Variants in TMEM41A observed in about 807,000 individuals in gnomAD.
TMEM41A encodes the protein transmembrane protein 41A.
TMEM41A carries 20 observed loss-of-function variants against 25.7 expected under a neutral mutation model. The ratio of observed to expected loss-of-function variants is 0.78; its 90% confidence interval spans 0.55 to 1.13. The LOEUF is 1.13. TMEM41A is among the 50% of genes most tolerant of loss of function. The pLI is 0.00. For synonymous variants in TMEM41A, 133 were observed against 139.6 expected, an observed-to-expected ratio of 0.95 and a Z score of 0.33; for missense variants, 299 against 314.3, an observed-to-expected ratio of 0.95 and a Z score of 0.37.
chr3:185,492,400 A>G (rs1433821998), intron 4 of TMEM41A: 2 of 152,202 alleles, frequency 1.3e-5, no homozygotes, highest in Non-Finnish European at 2.9e-5. Flanking sequence ...AAAAAAATGC[A>G]TAAGGTTCAC....
rs1374825336 is a variant in TMEM41A at position 185,490,857 on chromosome 3, T to A, written c.*680A>T. On this transcript the variant is annotated 3_prime_UTR_variant, in exon 5 of 5. Coordinates refer to ENST00000421852, the MANE Select transcript of TMEM41A (RefSeq NM_080652.4). ...CATCTGTCCCAGCAGCCTGTCACTC[T>A]GCAAAAGCAGTACTCTGGACAAGGA... 1 of 152,276 alleles carries A rather than the reference T, an allele frequency of 6.6e-6. No individual in the cohort carries two copies. Among genetic ancestry groups the A allele is most frequent in the African/African-American group, 2.4e-5 (1 of 41,460 alleles). 9.4% of individuals were successfully genotyped at this position (152,276 alleles called of 1,614,324 possible).
rs760352017 is a variant in TMEM41A, at chr3:185,496,826, A to C, written c.273+2T>G. 1 of 1,604,916 alleles carries C rather than the reference A, an allele frequency of 6.2e-7. No homozygotes were observed. The highest frequency in any genetic ancestry group is 2.2e-5 in the East Asian group (1 of 44,644). ...GGGTTGGAGGGAGGGCAGGACACTG[A>C]CCAGGAAGCTGGAGCCGGGGATGGC... On this transcript the variant is annotated splice_donor_variant, in intron 2 of 4. Transcript: ENST00000421852. LOFTEE classifies it high-confidence loss of function.
At chr3:185,492,724 G>T (rs1057201480) in intron 4 of TMEM41A, 1 of 152,196 alleles carries the variant, frequency 6.6e-6, no homozygotes, top group African/African-American at 2.4e-5. Flanking sequence ...CCCACCCTGA[G>T]ATTCCGATTG....
rs1385320731 is a variant in TMEM41A at position 185,491,409 on chromosome 3, G to C, written c.*128C>G. The C allele has an allele frequency of 2.9e-6, 2 of 696,814 alleles. No homozygotes were observed. Among genetic ancestry groups the C allele is most frequent in the East Asian group, 5.3e-5 (2 of 37,408 alleles). The allele number at this position is 696,814 out of a possible 1,614,324, so 43.2% of individuals were successfully genotyped here. A position where few individuals can be genotyped will look rare whatever the true frequency, so the allele number is the denominator to read the frequency against. Reference sequence around the variant, plus strand: ...AGAGTGTCCTTTCTGAAAAGACACTGCACATTGATGCACAGTGTCCACATC... The same window carrying C: ...AGAGTGTCCTTTCTGAAAAGACACTCCACATTGATGCACAGTGTCCACATC... On this transcript the variant is annotated 3_prime_UTR_variant, in exon 5 of 5. Coordinates refer to ENST00000421852, the MANE Select transcript of TMEM41A (RefSeq NM_080652.4).
At position 185,495,110 on chromosome 3, in the gene TMEM41A, G is replaced by A. The variant is rs76027184; in HGVS notation, c.435+44C>T. On this transcript the variant is annotated intron_variant, in intron 3 of 4. Transcript: ENST00000421852. ...CTTCTCTCAAGGCCATGCACGTAGCGACTGTCTGGGGTCCCAGCTCTCAGA... is the reference window on the plus strand; with the variant it reads ...CTTCTCTCAAGGCCATGCACGTAGCAACTGTCTGGGGTCCCAGCTCTCAGA... The A allele has an allele frequency of 3.7e-3, 5,869 of 1,606,864 alleles. 16 individuals are homozygous for A. The highest frequency in any genetic ancestry group is 0.018 in the East Asian group (807 of 44,844).
intron 1 of TMEM41A, among the ~76,000 whole-genome samples, chr3:185,497,725 T>C (rs565218540): frequency 6.6e-6 from 1 of 152,278 alleles, no homozygotes; most frequent in Non-Finnish European, 1.5e-5. Context: ...ACCCTCCTAC[T>C]TCTCACGAGA....
At chr3:185,497,036 T>C in intron 1 of TMEM41A, 55 bp from the exon 2 acceptor site, 2 of 1,538,822 alleles carry the variant, frequency 1.3e-6, no homozygotes, top group East Asian at 4.7e-5. Flanking sequence ...CCAGTGCCCA[T>C]GAAAGTCACT....
chr3:185,495,007 C>T, intron 3 of TMEM41A, 147 bp downstream of exon 3: 1 of 1,066,128 alleles, frequency 9.4e-7, no homozygotes. Flanking sequence ...AGGTCTATGT[C>T]TCCTGAAGAC....
chr3:185,491,803 A>AT (rs1268060816), intron 4 of TMEM41A, 46 bp from the exon 5 acceptor site: 2 of 1,438,352 alleles, frequency 1.4e-6, no homozygotes, highest in African/African-American at 2.9e-5. Flanking sequence ...CAGCAGCAAA[A>AT]TTAAGAAAAT....
chr3:185,494,842 C>T (rs1719055383), intron 3 of TMEM41A, 81 bp from the exon 4 acceptor site: 1 of 1,457,848 alleles, frequency 6.9e-7, no homozygotes, highest in Non-Finnish European at 9.2e-7. Context: ...AGGCACTGTT[C>T]TAGACACTTT....
At chr3:185,494,897 CTG>C (rs1719057138) in intron 3 of TMEM41A, 136 bp from the exon 4 acceptor site, 2 of 1,153,850 alleles carry the variant, frequency 1.7e-6, no homozygotes, top group South Asian at 3.2e-5. Flanking sequence ...CAGGGAAAGA[CTG>C]TTTTCCTCAT....
In TMEM41A at chr3:185,496,830, G is replaced by T. The variant is rs1447495469; in HGVS notation, c.271C>A (p.Leu91Met). The part of the protein sequence containing the change: ...QGFAIPGSSF[L>M]NVLAGALFGP... ...TGGAGGGAGGGCAGGACACTGACCA[G>T]GAAGCTGGAGCCGGGGATGGCAAAG... is the stretch of plus-strand genomic sequence containing the variant. Residue 91 changes from leucine (L) to methionine (M), a missense_variant and splice_region_variant, in exon 2 of 5, where the codon CTG (leucine) becomes ATG (methionine). By Grantham distance (15) the Leu-to-Met change is conservative. Coordinates refer to ENST00000421852, the MANE Select transcript of TMEM41A (RefSeq NM_080652.4). 1 of 1,605,662 alleles carries T rather than the reference G, an allele frequency of 6.2e-7. No individual in the cohort carries two copies. Among genetic ancestry groups the T allele is most frequent in the South Asian group, 1.1e-5 (1 of 88,908 alleles).
At position 185,491,728 on chromosome 3, in the gene TMEM41A, GCA is replaced by G; in HGVS notation, c.602_603del (p.Val201AlafsTer23). The G allele has an allele frequency of 6.2e-7, 1 of 1,613,598 alleles. No individual in the cohort carries two copies. The highest frequency in any genetic ancestry group is 8.5e-7 in the Non-Finnish European group (1 of 1,179,742). On this transcript the variant is annotated frameshift_variant, in exon 5 of 5. Coordinates refer to ENST00000421852, the MANE Select transcript of TMEM41A (RefSeq NM_080652.4). LOFTEE classifies it high-confidence loss of function. ...AGGGTTGACAGGATGGACCCTGTCTGCACACAGATGAAATTATATGGGATCAA... is the reference window on the plus strand; with the variant it reads ...AGGGTTGACAGGATGGACCCTGTCTGCACAGATGAAATTATATGGGATCAA... The part of the protein sequence containing the change: ...IGLIPYNFIC[V>X]QTGSILSTLT...
At chr3:185,495,797 CT>C (rs1191357446) in intron 2 of TMEM41A, 3 of 157,818 alleles carry the variant, frequency 1.9e-5, no homozygotes, top group Non-Finnish European at 4.2e-5. Context: ...GGAACTACAC[CT>C]GCCGTCAGTC....
At chr3:185,495,395 G>T in intron 2 of TMEM41A, 80 bp from the exon 3 acceptor site, 1 of 1,388,804 alleles carries the variant, frequency 7.2e-7, no homozygotes, top group South Asian at 1.3e-5. Context: ...AGAGTCATAG[G>T]TTCCCTCCTC....
chr3:185,495,841 G>A (rs1039969174), intron 2 of TMEM41A: 2 of 154,554 alleles, frequency 1.3e-5, no homozygotes, highest in Non-Finnish European at 2.9e-5. Flanking sequence ...AAGGATAAAA[G>A]CCTCAGGGGG....
chr3:185,498,458 T>TGG, intron 1 of TMEM41A: 1 of 207,830 alleles, frequency 4.8e-6, no homozygotes, highest in East Asian at 1.4e-4. Context: ...TTGAAGAGGC[T>TGG]GGGGGCCCGC....
intron 1 of TMEM41A, among the ~76,000 whole-genome samples, chr3:185,497,398 C>A (rs1180974397): frequency 1.3e-5 from 2 of 152,250 alleles, no homozygotes; most frequent in Non-Finnish European, 2.9e-5. Flanking sequence ...TTCAAGGACA[C>A]TGCCTCCCCC....
intron 3 of TMEM41A, 98 bp from the exon 4 acceptor site, chr3:185,494,859 T>G: frequency 6.5e-6 from 9 of 1,383,426 alleles, no homozygotes; most frequent in Non-Finnish European, 8.8e-6. Context: ...CTTTACATAA[T>G]CTGTTCCCAA....
Sources: gnomAD v4.1 joint callset for allele counts (sites outside exome capture counted in the v4.1 genomes callset) on GRCh38, gnomAD v4.1.1 for gene constraint, MANE v1.5 for transcripts, NCBI Gene and HGNC (gene_info 2026-07-23, HGNC 2026-07-21) for gene names.